ADCY1: variants seen among roughly 807,000 people sequenced by gnomAD.
The protein encoded by ADCY1 is adenylate cyclase 1.
Under a neutral mutation model 105.4 loss-of-function variants are expected in ADCY1, and 28 were observed. That is an observed-to-expected ratio of 0.27 (90% confidence interval 0.20 to 0.36). ADCY1 has a LOEUF of 0.36. Among genes scored for constraint, ADCY1 ranks in the 10% least tolerant of loss-of-function variants. The probability of loss-of-function intolerance (pLI) is 1.00; values close to 1 mark genes in which losing one functional copy is unlikely to be tolerated. For synonymous variants in ADCY1, 655 were observed against 623.8 expected, an observed-to-expected ratio of 1.05 and a Z score of -0.75; for missense variants, 977 against 1,434.2, an observed-to-expected ratio of 0.68 and a Z score of 5.15.
intron 4 of ADCY1, among the ~76,000 whole-genome samples, chr7:45,629,301 A>G (rs1794161550): frequency 1.3e-5 from 2 of 152,088 alleles, no homozygotes; most frequent in African/African-American, 4.8e-5. Context: ...ATTCCTTTTC[A>G]TTGCTTAGAA....
chr7:45,677,892 G>A lies in ADCY1; in HGVS notation c.1629G>A (p.Ser543=), dbSNP rs370138365. The change falls in exon 9 of 20, where the codon TCG becomes TCA. Residue 543 remains serine, a synonymous_variant. Transcript: ENST00000297323. ...AGCGGAGGGCATTAAGAACAGCCTC[G>A]GAAAAACTCAGAAACCGCTCATCTT... ...DDKRRALRTA[S]EKLRNRSSFS... 2.7e-5 allele frequency: 43 copies of A among 1,613,848 alleles called. No individual in the cohort carries two copies. The highest frequency in any genetic ancestry group is 1.7e-4 in the Admixed American group (10 of 59,956).
At chr7:45,574,157 G>A, upstream of ADCY1, 1 of 984,894 alleles carries the variant, frequency 1.0e-6, no homozygotes, top group Non-Finnish European at 1.2e-6. The surrounding 1 kb of genome is among the most constrained non-coding windows in gnomAD (Gnocchi z 7.0). Flanking sequence ...TGTGCACGGT[G>A]GGGAAACTGA....
intron 7 of ADCY1, 80 bp downstream of exon 7, chr7:45,660,263 G>C: frequency 6.4e-7 from 1 of 1,554,998 alleles, no homozygotes; most frequent in Non-Finnish European, 8.8e-7. Context: ...GACTCCTCCT[G>C]CTTCCTCTCC....
chr7:45,669,865 G>A (rs1784332008), intron 8 of ADCY1, among the ~76,000 whole-genome samples: 1 of 152,092 alleles, frequency 6.6e-6, no homozygotes, highest in Non-Finnish European at 1.5e-5. Flanking sequence ...TTTTCAAATG[G>A]TGATAATTTT....
chr7:45,621,026 C>A (rs1562692204), intron 3 of ADCY1, among the ~76,000 whole-genome samples: 1 of 152,140 alleles, frequency 6.6e-6, no homozygotes. Context: ...TTTGCCCCTT[C>A]CCTGAATAGA....
chr7:45,614,391 T>C (rs1322973909), intron 3 of ADCY1, among the ~76,000 whole-genome samples: 2 of 151,694 alleles, frequency 1.3e-5, no homozygotes, highest in Non-Finnish European at 2.9e-5. Flanking sequence ...CTATAGAAAC[T>C]ACACAAAGGA....
Position 45,722,689 on chromosome 7 carries a change from TG to T in ADCY1, c.*8697del, listed in dbSNP as rs1399486048. 6.6e-6 allele frequency: 1 copy of T among 152,514 alleles called. No homozygotes were observed. Among genetic ancestry groups the T allele is most frequent in the African/African-American group, 2.4e-5 (1 of 41,428 alleles). 9.4% of individuals were successfully genotyped at this position (152,514 alleles called of 1,614,324 possible). A position where few individuals can be genotyped will look rare whatever the true frequency, so the allele number is the denominator to read the frequency against. ...AGTTGTGTAAGCGCCTGCGTTCTTCTGGGTTTGGCTAGATAGGGTTGTGTCC... is the reference window on the plus strand; with the variant it reads ...AGTTGTGTAAGCGCCTGCGTTCTTCTGGTTTGGCTAGATAGGGTTGTGTCC... On this transcript the variant is annotated 3_prime_UTR_variant, in exon 20 of 20. Transcript: ENST00000297323.
At position 45,641,932 on chromosome 7, in the gene ADCY1, C is replaced by CAAAAAA. The variant is rs56808890; in HGVS notation, c.1021-6729_1021-6724dup. Among the ~76,000 whole-genome samples the CAAAAAA allele has an allele frequency of 9.1e-4, 33 of 36,402 alleles. 8 individuals are homozygous for CAAAAAA. The South Asian group carries it at 0.029, about 32-fold the overall frequency. 23.9% of individuals were successfully genotyped at this position (36,402 alleles called of 152,430 possible). A position where few individuals can be genotyped will look rare whatever the true frequency, so the allele number is the denominator to read the frequency against. On this transcript the variant is annotated intron_variant, in intron 4 of 19. Transcript: ENST00000297323. ...TGGGCGACAGAGCGAGACTCCGTCT[C>CAAAAAA]AAAAAAAAAAAAAATGTCTTTTCAT... is the stretch of plus-strand genomic sequence containing the variant.
chr7:45,574,177 G>A (rs886081114), upstream of ADCY1: 1 of 979,320 alleles, frequency 1.0e-6, no homozygotes, highest in African/African-American at 1.8e-5. This position sits in a 1 kb window ranked among gnomAD's most constrained non-coding sequence, Gnocchi z 7.0. Flanking sequence ...AGGCTCGGAG[G>A]GGACAAGGAA....
intron 4 of ADCY1, among the ~76,000 whole-genome samples, chr7:45,629,035 A>G (rs1179890776): frequency 2.0e-5 from 3 of 152,176 alleles, no homozygotes; most frequent in Non-Finnish European, 4.4e-5. Context: ...AGCCATCACC[A>G]CAGTCAAGAT....
Position 45,659,835 on chromosome 7 carries a change from G to T in ADCY1, c.1308-207G>T, listed in dbSNP as rs11973107. Among the ~76,000 whole-genome samples the T allele has an allele frequency of 0.016, 2,458 of 152,262 alleles. 56 individuals are homozygous for T. Among genetic ancestry groups the T allele is most frequent in the African/African-American group, 0.057 (2,352 of 41,538 alleles). The stretch of plus-strand genomic sequence containing the variant: ...CCTCAGCCATCCCTGCTGTCCTGCT[G>T]GGCATGGTTCCTGATGGCCCTACTG... On this transcript the variant is annotated intron_variant, in intron 6 of 19. Transcript: ENST00000297323.
rs761453822 is a variant in ADCY1, at chr7:45,591,356, G to A, written c.640-1403G>A. 4.6e-5 allele frequency among the ~76,000 whole-genome samples: 7 copies of A among 152,314 alleles called. No homozygotes were observed. Among genetic ancestry groups the A allele is most frequent in the East Asian group, 3.9e-4 (2 of 5,180 alleles). ...GATCAGGGTGACACCCATCTGTCCC[G>A]TCTCATGGGTCTACCTCCTGGACTC... On this transcript the variant is annotated intron_variant, in intron 1 of 19. Coordinates refer to ENST00000297323, the MANE Select transcript of ADCY1 (RefSeq NM_021116.4). This position sits in a 1 kb window ranked among gnomAD's most constrained non-coding sequence, Gnocchi z 4.1.
At chr7:45,669,501 G>T (rs1338881510) in intron 8 of ADCY1, among the ~76,000 whole-genome samples, 1 of 152,142 alleles carries the variant, frequency 6.6e-6, no homozygotes, top group Non-Finnish European at 1.5e-5. Flanking sequence ...GAGACAGTTT[G>T]TTATAATTTC....
chr7:45,663,240 C>T (rs1036346566), intron 8 of ADCY1, among the ~76,000 whole-genome samples: 1 of 152,230 alleles, frequency 6.6e-6, no homozygotes, highest in Admixed American at 6.5e-5. Flanking sequence ...CCAGCCTCAG[C>T]GTTTGATGGA....
At chr7:45,608,502 G>T (rs1793441572) in intron 2 of ADCY1, among the ~76,000 whole-genome samples, 1 of 152,214 alleles carries the variant, frequency 6.6e-6, no homozygotes, top group Admixed American at 6.5e-5. Flanking sequence ...ACAGCCAGCT[G>T]ATAGCTGGGT....
chr7:45,711,823 T>TC (rs1785245020), intron 19 of ADCY1, among the ~76,000 whole-genome samples: 2 of 132,832 alleles, frequency 1.5e-5, no homozygotes, highest in East Asian at 2.1e-4. Flanking sequence ...ACAATGTACT[T>TC]TTAAAATATA....
chr7:45,711,349 A>G (rs2116279794), intron 19 of ADCY1, among the ~76,000 whole-genome samples: 1 of 152,222 alleles, frequency 6.6e-6, no homozygotes, highest in Admixed American at 6.5e-5. Context: ...GGCACGTGAC[A>G]GCAGCTATTC....
intron 14 of ADCY1, among the ~76,000 whole-genome samples, chr7:45,699,015 G>T (rs1342584426): frequency 1.3e-5 from 2 of 152,238 alleles, no homozygotes; most frequent in Non-Finnish European, 2.9e-5. Flanking sequence ...CATACAGCCA[G>T]CTGAGTACCA....
chr7:45,696,343 G>A (rs1784880738), intron 14 of ADCY1, among the ~76,000 whole-genome samples: 2 of 151,320 alleles, frequency 1.3e-5, no homozygotes, highest in African/African-American at 4.9e-5. Flanking sequence ...GGAAGCTGAG[G>A]CAGGAGAATG....
Sources: allele counts gnomAD v4.1 joint callset (sites outside exome capture counted in the v4.1 genomes callset), GRCh38; gene constraint gnomAD v4.1.1; non-coding constraint Gnocchi (gnomAD v3.1); transcripts MANE v1.5; gene names NCBI Gene and HGNC (gene_info 2026-07-23, HGNC 2026-07-21).